The following NCAN variants were observed in gnomAD, a reference collection of about 807,000 sequenced individuals.
The protein encoded by NCAN is neurocan core protein.
NCAN carries 47 observed loss-of-function variants against 121.8 expected under a neutral mutation model. That is an observed-to-expected ratio of 0.39 (90% CI 0.31 to 0.49). NCAN has a LOEUF of 0.49. NCAN is among the 20% of genes least tolerant of loss of function. The pLI is 0.92. For missense variants in NCAN, 1,517 were observed against 1,773.4 expected (o/e 0.86, Z 2.60); for synonymous variants, 633 against 702.0 (o/e 0.90, Z 1.55).
intron 8 of NCAN, among the ~76,000 whole-genome samples, chr19:19,230,403 A>ATTTT (rs5827436): frequency 5.6e-4 from 66 of 118,450 alleles, no homozygotes; most frequent in African/African-American, 1.0e-3. Context: ...CCACCCCCAA[A>ATTTT]TTTTTTTTTT....
chr19:19,247,081 G>A (rs2060927010), intron 13 of NCAN, among the ~76,000 whole-genome samples: 1 of 151,714 alleles, frequency 6.6e-6, no homozygotes, highest in Admixed American at 6.6e-5. Context: ...ATTTATTCAT[G>A]TATTTATTTA....
Position 19,224,085 on chromosome 19 carries a change from G to A in NCAN, c.540G>A (p.Glu180=), listed in dbSNP as rs773491698. ...CACTGACCTTCGCTGAGGCCCAGGA[G>A]GCCTGCCGTCTCAGCTCAGCCATCA... ...RYALTFAEAQ[E]ACRLSSAIIA... The change falls in exon 4 of 15, where the codon GAG becomes GAA. Residue 180 remains glutamate (E), a synonymous_variant. Coordinates refer to ENST00000252575, the MANE Select transcript of NCAN (RefSeq NM_004386.3). 1.4e-5 allele frequency: 23 copies of A among 1,604,814 alleles called. No homozygotes were observed. The highest frequency in any genetic ancestry group is 2.0e-5 in the Non-Finnish European group (23 of 1,172,900).
At position 19,218,903 on chromosome 19, in the gene NCAN, T is replaced by C. The variant is rs967588424; in HGVS notation, c.74-12T>C. 7.4e-6 allele frequency: 11 copies of C among 1,479,514 alleles called. No homozygotes were observed. In the African/African-American group the frequency reaches 1.4e-4, roughly 19 times the overall value. 91.6% of individuals were successfully genotyped at this position (1,479,514 alleles called of 1,614,324 possible). A position where few individuals can be genotyped will look rare whatever the true frequency, so the allele number is the denominator to read the frequency against. On this transcript the variant is annotated splice_polypyrimidine_tract_variant and intron_variant, in intron 2 of 14. Transcript: ENST00000252575. ...TCTGAATCAGGCCCTCTCTCCACCT[T>C]CTCCAACCCAGGCACACAGGATATC...
chr19:19,223,555 C>T (rs1214439188), intron 3 of NCAN, among the ~76,000 whole-genome samples: 1 of 152,140 alleles, frequency 6.6e-6, no homozygotes, highest in African/African-American at 2.4e-5. Flanking sequence ...TCACCGCAAC[C>T]TCTGCCTCCT....
intron 12 of NCAN, 104 bp from the exon 13 acceptor site, chr19:19,245,209 G>A (rs948373664): frequency 7.1e-7 from 1 of 1,405,480 alleles, no homozygotes; most frequent in South Asian, 1.4e-5. Flanking sequence ...CTGAATCCCT[G>A]TGAGTTTGAG....
rs1169171380 is a variant in NCAN, at chr19:19,238,588, T to G, written c.3409+177T>G. On this transcript the variant is annotated intron_variant, in intron 11 of 14. Coordinates refer to ENST00000252575, the MANE Select transcript of NCAN (RefSeq NM_004386.3). ...AATGCATGAAATCTGTCAATTCACTTGTTAATTCATACATTCACTTCATTC... is the reference window on the plus strand; with the variant it reads ...AATGCATGAAATCTGTCAATTCACTGGTTAATTCATACATTCACTTCATTC... 3 of 681,600 alleles carry G rather than the reference T, an allele frequency of 4.4e-6. No homozygotes were observed. The African/African-American group carries it at 5.4e-5, about 12-fold the overall frequency. 42.2% of individuals were successfully genotyped at this position (681,600 alleles called of 1,614,324 possible).
At chr19:19,229,982 A>G (rs1237658095) in intron 8 of NCAN, among the ~76,000 whole-genome samples, 2 of 152,184 alleles carry the variant, frequency 1.3e-5, no homozygotes, top group African/African-American at 2.4e-5. Context: ...CCTGCATGAA[A>G]TCAAACTAAC....
intron 12 of NCAN, among the ~76,000 whole-genome samples, chr19:19,242,913 T>C: frequency 6.6e-6 from 1 of 151,924 alleles, no homozygotes; most frequent in Non-Finnish European, 1.5e-5. Flanking sequence ...GGTGGGTGGA[T>C]TGCTTGAGTT....
chr19:19,220,236 C>G (rs2060811446), intron 3 of NCAN, among the ~76,000 whole-genome samples: 2 of 151,658 alleles, frequency 1.3e-5, no homozygotes. Flanking sequence ...CATCCTCCGT[C>G]TAGGCAGGAT....
chr19:19,231,194 T>A (rs1041168754), intron 8 of NCAN, among the ~76,000 whole-genome samples: 2 of 152,092 alleles, frequency 1.3e-5, no homozygotes, highest in Non-Finnish European at 2.9e-5. Context: ...AATGTCCTTA[T>A]GGGAAAAGCT....
Position 19,243,469 on chromosome 19 carries a change from TC to T in NCAN, c.3493-1843del, listed in dbSNP as rs1280442211. On this transcript the variant is annotated intron_variant, in intron 12 of 14. Coordinates refer to ENST00000252575, the MANE Select transcript of NCAN (RefSeq NM_004386.3). ...AGGCGGAGGTTGCAGTGAGCCAAGATCATGCCACTGCACTCCAGCCTGGGCG... is the reference window on the plus strand; with the variant it reads ...AGGCGGAGGTTGCAGTGAGCCAAGATATGCCACTGCACTCCAGCCTGGGCG... 2.3e-4 allele frequency among the ~76,000 whole-genome samples: 30 copies of T among 132,832 alleles called. No individual in the cohort carries two copies. In the East Asian group the frequency reaches 5.9e-3, roughly 26 times the overall value. The allele number at this position is 132,832 out of a possible 152,430, so 87.1% of individuals were successfully genotyped here. A position where few individuals can be genotyped will look rare whatever the true frequency, so the allele number is the denominator to read the frequency against.
In NCAN at chr19:19,250,291, C is replaced by T; in HGVS notation, c.*380C>T. ...CACATGAAGGAATTGCTTTTCACAC[C>T]AGAAATTCAGACTTAGTCAATGTTG... On this transcript the variant is annotated 3_prime_UTR_variant, in exon 15 of 15. Transcript: ENST00000252575. 1 of 388,542 alleles carries T rather than the reference C, an allele frequency of 2.6e-6. No homozygotes were observed. The highest frequency in any genetic ancestry group is 2.0e-5 in the South Asian group (1 of 49,506). The allele number at this position is 388,542 out of a possible 1,614,324, so 24.1% of individuals were successfully genotyped here. A position where few individuals can be genotyped will look rare whatever the true frequency, so the allele number is the denominator to read the frequency against.
chr19:19,247,725 C>T (rs1250374741), intron 13 of NCAN, among the ~76,000 whole-genome samples: 3 of 152,180 alleles, frequency 2.0e-5, no homozygotes, highest in African/African-American at 7.2e-5. Flanking sequence ...TGCCGTCTGT[C>T]TCCTTCATTC....
chr19:19,235,180 C>G (rs1371143226), intron 10 of NCAN, 84 bp downstream of exon 10: 4 of 761,512 alleles, frequency 5.3e-6, no homozygotes, highest in African/African-American at 5.1e-5. Flanking sequence ...ACTCCAGGTC[C>G]CTGCCTCCAG....
Position 19,227,322 on chromosome 19 carries a change from C to T in NCAN, c.1702C>T (p.Pro568Ser). ...GAGCTCCCCAGAGCCCTGGCTGTGG[C>T]CCCCTACCATGGTCCCACCCAGCAT... ...GKSSPEPWLW[P>S]PTMVPPSISG... Residue 568 changes from proline to serine, a missense_variant, in exon 8 of 15, where the codon CCC becomes TCC. Pro to Ser is a moderately conservative substitution (Grantham distance 74, BLOSUM62 -1). Coordinates refer to ENST00000252575, the MANE Select transcript of NCAN (RefSeq NM_004386.3). This position sits in a 1 kb window ranked among gnomAD's most constrained non-coding sequence, Gnocchi z 4.2. The T allele has an allele frequency of 1.9e-6, 3 of 1,594,666 alleles. No individual in the cohort carries two copies. Among genetic ancestry groups the T allele is most frequent in the Non-Finnish European group, 8.5e-7 (1 of 1,169,816 alleles).
chr19:19,227,137 C>A lies in NCAN; in HGVS notation c.1660+64C>A. 1 of 1,492,054 alleles carries A rather than the reference C, an allele frequency of 6.7e-7. No homozygotes were observed. Among genetic ancestry groups the A allele is most frequent in the South Asian group, 1.4e-5 (1 of 72,488 alleles). The allele number at this position is 1,492,054 out of a possible 1,614,324, so 92.4% of individuals were successfully genotyped here. On this transcript the variant is annotated intron_variant, in intron 7 of 14. Transcript: ENST00000252575. This position sits in a 1 kb window ranked among gnomAD's most constrained non-coding sequence, Gnocchi z 4.2. Reference sequence around the variant, plus strand: ...CTGGAGGTGAGGGTAGAGAGGTAGCCATGGCTACACTCAGAATGAGGGAGG... The same window carrying A: ...CTGGAGGTGAGGGTAGAGAGGTAGCAATGGCTACACTCAGAATGAGGGAGG...
At chr19:19,221,523 G>A (rs529987845) in intron 3 of NCAN, among the ~76,000 whole-genome samples, 3 of 146,872 alleles carry the variant, frequency 2.0e-5, no homozygotes, top group East Asian at 4.1e-4. Flanking sequence ...AGCCGAGATT[G>A]TGCTATTGCA....
At position 19,228,008 on chromosome 19, in the gene NCAN, T is replaced by A. The variant is rs767023070; in HGVS notation, c.2388T>A (p.Ser796=). 1.2e-6 allele frequency: 2 copies of A among 1,613,462 alleles called. No individual in the cohort carries two copies. The highest frequency in any genetic ancestry group is 1.7e-5 in the Admixed American group (1 of 60,006). The part of the protein sequence containing the change: ...YSKGLDASSP[S]APLGSPGVFL... ...AAGGGCTGGATGCAAGTTCCCCATC[T>A]GCCCCCCTGGGGAGCCCTGGAGTCT... The change falls in exon 8 of 15, where the codon TCT becomes TCA. Residue 796 remains serine, a synonymous_variant. Transcript: ENST00000252575.
At position 19,248,888 on chromosome 19, in the gene NCAN, T is replaced by A; in HGVS notation, c.3820+6T>A. 6.2e-7 allele frequency: 1 copy of A among 1,613,436 alleles called. No individual in the cohort carries two copies. The highest frequency in any genetic ancestry group is 8.5e-7 in the Non-Finnish European group (1 of 1,179,534). On this transcript the variant is annotated splice_donor_region_variant and intron_variant, in intron 14 of 14. Transcript: ENST00000252575. Reference sequence around the variant, plus strand: ...CCAAATTGTCTGCACCAAACGTAAGTAGCTTCTCCCAGAGATCTCAACATA... The same window carrying A: ...CCAAATTGTCTGCACCAAACGTAAGAAGCTTCTCCCAGAGATCTCAACATA...
Sources: gnomAD v4.1 joint callset for allele counts (sites outside exome capture counted in the v4.1 genomes callset) on GRCh38, gnomAD v4.1.1 for gene constraint, Gnocchi (gnomAD v3.1) non-coding constraint, MANE v1.5 for transcripts, NCBI Gene and HGNC (gene_info 2026-07-23, HGNC 2026-07-21) for gene names.